WDR47: variants seen among roughly 807,000 people sequenced by gnomAD.
WDR47 encodes WD repeat-containing protein 47.
Under a neutral mutation model 97.2 loss-of-function variants are expected in WDR47, and 32 were observed. The ratio of observed to expected loss-of-function variants is 0.33; its 90% CI spans 0.25 to 0.44. The LOEUF (loss-of-function observed/expected upper bound fraction) is 0.44, where lower values mean the gene tolerates loss of function less well. Among genes scored for constraint, WDR47 ranks in the 20% least tolerant of loss-of-function variants. The pLI, the probability that WDR47 is intolerant of heterozygous loss-of-function variation, is 1.00. For synonymous variants in WDR47, 375 were observed against 373.5 expected (o/e 1.00, Z -0.05); for missense variants, 782 against 1,102.3 (o/e 0.71, Z 4.11).
chr1:109,023,222 A>T (rs1661976121), intron 2 of WDR47, 133 bp downstream of exon 2: 1 of 867,112 alleles, frequency 1.2e-6, no homozygotes, highest in Non-Finnish European at 1.5e-6. Flanking sequence ...AATAAAATAA[A>T]ATATTTTTTA....
chr1:109,027,466 A>C (rs1000657745), intron 1 of WDR47, among the ~76,000 whole-genome samples: 1 of 152,106 alleles, frequency 6.6e-6, no homozygotes, highest in Non-Finnish European at 1.5e-5. Flanking sequence ...ACTCCCTTGT[A>C]TTACTGAAAC....
chr1:108,997,800 G>A (rs898713138), intron 7 of WDR47, among the ~76,000 whole-genome samples: 3 of 151,282 alleles, frequency 2.0e-5, no homozygotes, highest in Admixed American at 6.6e-5. Flanking sequence ...AAAGGAAAGG[G>A]GAAAGGGGAG....
intron 9 of WDR47, among the ~76,000 whole-genome samples, chr1:108,988,413 A>T (rs995663291): frequency 1.6e-4 from 25 of 152,174 alleles, no homozygotes; most frequent in African/African-American, 4.6e-4. Context: ...AATGTTTACC[A>T]TTATCTCTAT....
At chr1:109,036,966 A>G (rs1188757941) in intron 1 of WDR47, among the ~76,000 whole-genome samples, 1 of 152,220 alleles carries the variant, frequency 6.6e-6, no homozygotes. Flanking sequence ...ATTTCTTTAT[A>G]TCATCATCTA....
chr1:108,980,848 C>G (rs890649341), intron 13 of WDR47, among the ~76,000 whole-genome samples: 10 of 151,908 alleles, frequency 6.6e-5, no homozygotes, highest in Non-Finnish European at 2.9e-5. Flanking sequence ...TACAATGCAG[C>G]CAGGAGTGGT....
intron 1 of WDR47, among the ~76,000 whole-genome samples, chr1:109,026,340 C>T (rs1028475525): frequency 2.0e-5 from 2 of 101,758 alleles, no homozygotes; most frequent in African/African-American, 7.5e-5. Context: ...GATGAGCCAC[C>T]GTGCCCACCT....
intron 1 of WDR47, among the ~76,000 whole-genome samples, chr1:109,029,216 G>A (rs1180656641): frequency 2.6e-5 from 4 of 152,132 alleles, no homozygotes; most frequent in Non-Finnish European, 5.9e-5. Context: ...AAGATTAAAG[G>A]TAAAATGTTA....
intron 1 of WDR47, among the ~76,000 whole-genome samples, chr1:109,024,237 A>G (rs1332197499): frequency 6.6e-6 from 1 of 152,180 alleles, no homozygotes; most frequent in African/African-American, 2.4e-5. Flanking sequence ...GGACTGCTTG[A>G]GTTCAGGAGT....
At chr1:108,991,186 T>G (rs1659320461) in intron 9 of WDR47, 68 bp downstream of exon 9, 3 of 1,479,310 alleles carry the variant, frequency 2.0e-6, no homozygotes, top group South Asian at 1.2e-5. Flanking sequence ...TTCTTTGAAT[T>G]GAAAATTTCT....
At chr1:108,984,809 T>C (rs932842983) in intron 10 of WDR47, among the ~76,000 whole-genome samples, 9 of 151,794 alleles carry the variant, frequency 5.9e-5, no homozygotes, top group African/African-American at 2.2e-4. Flanking sequence ...ACCCAGGAGG[T>C]GGAGGTTACA....
chr1:109,004,818 T>G, intron 5 of WDR47, 103 bp from the exon 6 acceptor site: 1 of 1,336,910 alleles, frequency 7.5e-7, no homozygotes, highest in Non-Finnish European at 9.8e-7. Flanking sequence ...ATTTTTGAGA[T>G]GGAGTCTCTC....
At chr1:109,022,581 T>C in intron 2 of WDR47, among the ~76,000 whole-genome samples, 1 of 152,042 alleles carries the variant, frequency 6.6e-6, no homozygotes, top group Admixed American at 6.5e-5. Context: ...TAAATGTTCC[T>C]TTTTTTTATT....
chr1:109,013,904 C>T lies in WDR47; in HGVS notation c.264G>A (p.Lys88=), dbSNP rs747724132. The change falls in exon 4 of 15, where the codon AAG becomes AAA. Residue 88 remains lysine (K), a synonymous_variant. Transcript: ENST00000369962. ...DKKRFRYIIL[K]QKFLEALCVN... ...CACATAAAGCTTCTAAAAACTTCTG[C>T]TTCAGGATAATATAACGAAACCTGT... 1.2e-6 allele frequency: 2 copies of T among 1,612,388 alleles called. No homozygotes were observed. Among genetic ancestry groups the T allele is most frequent in the Non-Finnish European group, 1.7e-6 (2 of 1,179,728 alleles).
chr1:109,025,820 A>G (rs1662174407), intron 1 of WDR47, among the ~76,000 whole-genome samples: 1 of 152,076 alleles, frequency 6.6e-6, no homozygotes, highest in Non-Finnish European at 1.5e-5. Flanking sequence ...TATACGACTC[A>G]CTCAAATATT....
chr1:109,005,739 C>T (rs1368407341), intron 5 of WDR47, among the ~76,000 whole-genome samples: 2 of 151,184 alleles, frequency 1.3e-5, no homozygotes, highest in African/African-American at 2.4e-5. Flanking sequence ...GGGCGTGGTA[C>T]GCGCCTGTAG....
chr1:108,978,425 G>C (rs1407625093), intron 13 of WDR47, among the ~76,000 whole-genome samples: 2 of 151,698 alleles, frequency 1.3e-5, no homozygotes, highest in Non-Finnish European at 2.9e-5. Context: ...CTTGCAGTGA[G>C]CCGAGATTGC....
At chr1:109,012,121 T>C (rs1238873360) in intron 4 of WDR47, among the ~76,000 whole-genome samples, 1 of 152,108 alleles carries the variant, frequency 6.6e-6, no homozygotes, top group Non-Finnish European at 1.5e-5. Flanking sequence ...CTCTCAAATA[T>C]ATAATTTTTT....
At chr1:109,029,990 T>C (rs1343477099) in intron 1 of WDR47, 1 of 392,332 alleles carries the variant, frequency 2.5e-6, no homozygotes, top group East Asian at 3.6e-5. Context: ...CACTGGTAGC[T>C]TTCTAACCAA....
chr1:109,039,910 C>T (rs933669283), intron 1 of WDR47, among the ~76,000 whole-genome samples: 3 of 151,856 alleles, frequency 2.0e-5, no homozygotes, highest in African/African-American at 7.3e-5. Context: ...GTGGCAGGCA[C>T]CTGTAATCCC....
Sources: gnomAD v4.1 joint callset for allele counts (sites outside exome capture counted in the v4.1 genomes callset) on GRCh38, gnomAD v4.1.1 for gene constraint, MANE v1.5 for transcripts, NCBI Gene and HGNC (gene_info 2026-07-23, HGNC 2026-07-21) for gene names.